Variants in RACGAP1 observed in about 807,000 individuals in gnomAD.
RACGAP1 encodes the protein rac GTPase-activating protein 1.
Under a neutral mutation model 78.1 loss-of-function variants are expected in RACGAP1, and 30 were observed. The ratio of observed to expected loss-of-function variants is 0.38; its 90% CI spans 0.29 to 0.52. RACGAP1 has a LOEUF of 0.52. RACGAP1 is among the 20% of genes least tolerant of loss of function. The pLI is 0.82. For synonymous variants in RACGAP1, 231 were observed against 264.8 expected, an observed-to-expected ratio of 0.87 and a Z score of 1.24; for missense variants, 587 against 777.1, an observed-to-expected ratio of 0.76 and a Z score of 2.91.
intron 2 of RACGAP1, among the ~76,000 whole-genome samples, chr12:50,012,673 TG>T (rs1165290310): frequency 4.1e-5 from 6 of 145,148 alleles, no homozygotes; most frequent in Non-Finnish European, 7.6e-5. Flanking sequence ...GCAGGAAAAT[TG>T]CTTGAACCTG....
At chr12:50,029,872 A>G (rs76990335), upstream of RACGAP1, among the ~76,000 whole-genome samples, 1 of 151,880 alleles carries the variant, frequency 6.6e-6, no homozygotes, top group African/African-American at 2.4e-5. Flanking sequence ...CAGCCTGGGC[A>G]ACAGAGCGAG....
intron 5 of RACGAP1, among the ~76,000 whole-genome samples, chr12:50,002,866 A>G (rs1404517216): frequency 6.6e-6 from 1 of 152,080 alleles, no homozygotes; most frequent in African/African-American, 2.4e-5. Flanking sequence ...CTAAAAAAAT[A>G]CAAAAAAATT....
intron 1 of RACGAP1, among the ~76,000 whole-genome samples, chr12:50,024,295 A>G (rs1273588520): frequency 6.6e-6 from 1 of 152,270 alleles, no homozygotes; most frequent in Non-Finnish European, 1.5e-5. Context: ...AAAATGTAAT[A>G]TATAGACAGA....
At chr12:49,998,824 G>T (rs1948472296) in intron 9 of RACGAP1, among the ~76,000 whole-genome samples, 1 of 151,982 alleles carries the variant, frequency 6.6e-6, no homozygotes, top group South Asian at 2.1e-4. Context: ...CTTGAGACTG[G>T]GAGGTTAAGG....
At chr12:50,032,584 G>T (rs1950345566) in intron 1 of RACGAP1, among the ~76,000 whole-genome samples, 1 of 146,182 alleles carries the variant, frequency 6.8e-6, no homozygotes, top group African/African-American at 2.7e-5. Flanking sequence ...GGTGGCGTGG[G>T]GGCGCGGGTT....
chr12:49,997,949 AT>A (rs1163763305), intron 9 of RACGAP1, among the ~76,000 whole-genome samples: 1 of 152,220 alleles, frequency 6.6e-6, no homozygotes, highest in Non-Finnish European at 1.5e-5. Context: ...ACATATTTAC[AT>A]ATGTAATTCT....
At chr12:50,019,232 T>A (rs672697) in intron 1 of RACGAP1, among the ~76,000 whole-genome samples, 1 of 152,058 alleles carries the variant, frequency 6.6e-6, no homozygotes, top group African/African-American at 2.4e-5. Flanking sequence ...TGCACTCCCT[T>A]CCTCCAGTCC....
intron 6 of RACGAP1, 83 bp from the exon 7 acceptor site, chr12:50,001,335 G>T: frequency 9.1e-7 from 1 of 1,100,646 alleles, no homozygotes; most frequent in Non-Finnish European, 1.4e-6. Flanking sequence ...CAAACAACTT[G>T]GATACAGGTC....
At chr12:49,997,019 G>A (rs778665321) in intron 10 of RACGAP1, 21 bp downstream of exon 10, 2 of 1,444,076 alleles carry the variant, frequency 1.4e-6, no homozygotes, top group South Asian at 1.5e-5. Flanking sequence ...ATAAAACAAT[G>A]ACGGCTTGCA....
rs1414441134 is a variant in RACGAP1 at position 49,991,651 on chromosome 12, G to C, written c.1714+347C>G. Among the ~76,000 whole-genome samples the C allele has an allele frequency of 2.0e-5, 3 of 150,312 alleles. No individual in the cohort carries two copies. The East Asian group carries it at 5.9e-4, about 29-fold the overall frequency. On this transcript the variant is annotated intron_variant, in intron 15 of 16. Coordinates refer to ENST00000312377, the MANE Select transcript of RACGAP1 (RefSeq NM_001319999.2). ...TTACAGGCATGCGCCACCACACCCA[G>C]CTAATTTTTGTATTTTTAGTAGAGA...
At chr12:50,003,683 G>T (rs973748929) in intron 5 of RACGAP1, among the ~76,000 whole-genome samples, 1 of 152,200 alleles carries the variant, frequency 6.6e-6, no homozygotes, top group African/African-American at 2.4e-5. Flanking sequence ...TAAAAGAAGT[G>T]TGCCGCCCCA....
chr12:49,996,918 T>C (rs1948329223), intron 10 of RACGAP1, 122 bp downstream of exon 10: 1 of 1,348,302 alleles, frequency 7.4e-7, no homozygotes. Context: ...CTTACAATTC[T>C]AGTCATTATT....
At chr12:50,018,200 T>A (rs1009798930) in intron 1 of RACGAP1, among the ~76,000 whole-genome samples, 4 of 151,498 alleles carry the variant, frequency 2.6e-5, no homozygotes, top group Non-Finnish European at 4.4e-5. Flanking sequence ...AGATATTTTA[T>A]ATATTAAATG....
In RACGAP1 at chr12:49,994,333, TTA is replaced by T; in HGVS notation, c.1141-6_1141-5del. On this transcript the variant is annotated splice_polypyrimidine_tract_variant and splice_region_variant and intron_variant, in intron 11 of 16. Transcript: ENST00000312377. The stretch of plus-strand genomic sequence containing the variant: ...CAGAGATCCTATACAGGCCTGTCTA[TTA>T]TCAAGATGACATTTTTATTTAAAAA... The T allele has an allele frequency of 6.2e-7, 1 of 1,613,210 alleles. No individual in the cohort carries two copies. Among genetic ancestry groups the T allele is most frequent in the Non-Finnish European group, 8.5e-7 (1 of 1,179,774 alleles).
At chr12:49,998,123 C>T (rs1948428071) in intron 9 of RACGAP1, among the ~76,000 whole-genome samples, 2 of 152,160 alleles carry the variant, frequency 1.3e-5, no homozygotes, top group African/African-American at 4.8e-5. Flanking sequence ...TGGATGTTGG[C>T]AGGGCATGGT....
At chr12:50,010,735 C>T (rs935574877) in intron 2 of RACGAP1, among the ~76,000 whole-genome samples, 1 of 151,620 alleles carries the variant, frequency 6.6e-6, no homozygotes, top group Non-Finnish European at 1.5e-5. Flanking sequence ...GAGTTCGAGA[C>T]CAGCCTGACC....
chr12:49,992,850 T>A lies in RACGAP1; in HGVS notation c.1340-195A>T, dbSNP rs561803218. ...GCTCAATATTAGAAGTCAAAACTTTTAAAAAATCGGCCTTTGCAGTTAGGG... is the reference window on the plus strand; with the variant it reads ...GCTCAATATTAGAAGTCAAAACTTTAAAAAAATCGGCCTTTGCAGTTAGGG... On this transcript the variant is annotated intron_variant, in intron 12 of 16. Coordinates refer to ENST00000312377, the MANE Select transcript of RACGAP1 (RefSeq NM_001319999.2). Among the ~76,000 whole-genome samples, 13 of 152,292 alleles carry A rather than the reference T, an allele frequency of 8.5e-5. No individual in the cohort carries two copies. In the East Asian group the frequency reaches 2.1e-3, roughly 25 times the overall value.
At chr12:50,027,480 A>C (rs996672722), upstream of RACGAP1, among the ~76,000 whole-genome samples, 1 of 152,204 alleles carries the variant, frequency 6.6e-6, no homozygotes, top group Non-Finnish European at 1.5e-5. Flanking sequence ...ATGGAAAATT[A>C]CTGGCAATAG....
chr12:50,018,500 G>A (rs945107567), intron 1 of RACGAP1: 83 of 1,266,004 alleles, frequency 6.6e-5, no homozygotes, highest in Non-Finnish European at 8.3e-5. Flanking sequence ...AACATATAAT[G>A]AAATAGGCAA....
Sources: gnomAD v4.1 joint callset for allele counts (sites outside exome capture counted in the v4.1 genomes callset) on GRCh38, gnomAD v4.1.1 for gene constraint, MANE v1.5 for transcripts, NCBI Gene and HGNC (gene_info 2026-07-23, HGNC 2026-07-21) for gene names.